Variants in TMEM248 observed in about 807,000 individuals in gnomAD.
The protein encoded by TMEM248 is UPF0458 protein C7orf42.
Under a neutral mutation model 30.3 loss-of-function variants are expected in TMEM248, and 9 were observed. The observed-to-expected ratio is 0.30, with a 90% confidence interval of 0.18 to 0.52. TMEM248 has a LOEUF of 0.52. Among genes scored for constraint, TMEM248 ranks in the 20% least tolerant of loss-of-function variants. The pLI is 0.97. For synonymous variants in TMEM248, 184 were observed against 154.4 expected, an observed-to-expected ratio of 1.19 and a Z score of -1.42; for missense variants, 338 against 403.3, an observed-to-expected ratio of 0.84 and a Z score of 1.39.
At chr7:66,926,169 G>A (rs772241074) in intron 1 of TMEM248, among the ~76,000 whole-genome samples, 11 of 152,044 alleles carry the variant, frequency 7.2e-5, no homozygotes, top group Admixed American at 6.6e-5. Context: ...GCCATTTGTC[G>A]GTCTCTTGAG....
rs548463247 is a variant in TMEM248, at chr7:66,955,868, G to A, written c.*346G>A. ...TTCACCAAGGTCACAGGAGCATTGCGTCGCTGATGGGGTTGAAGTTTGGTT... is the reference window on the plus strand; with the variant it reads ...TTCACCAAGGTCACAGGAGCATTGCATCGCTGATGGGGTTGAAGTTTGGTT... On this transcript the variant is annotated 3_prime_UTR_variant, in exon 7 of 7. Coordinates refer to ENST00000341567, the MANE Select transcript of TMEM248 (RefSeq NM_017994.5). 55 of 271,512 alleles carry A rather than the reference G, an allele frequency of 2.0e-4. 1 individual carries two copies. In the East Asian group the frequency reaches 3.4e-3, roughly 17 times the overall value. The allele number at this position is 271,512 out of a possible 1,614,324, so 16.8% of individuals were successfully genotyped here.
At chr7:66,943,302 C>G (rs888682502) in intron 2 of TMEM248, among the ~76,000 whole-genome samples, 1 of 152,236 alleles carries the variant, frequency 6.6e-6, no homozygotes, top group Non-Finnish European at 1.5e-5. Flanking sequence ...TTGGCCAAGG[C>G]CAGTGGTTGC....
At chr7:66,936,778 G>A (rs540446157) in intron 1 of TMEM248, among the ~76,000 whole-genome samples, 1 of 152,198 alleles carries the variant, frequency 6.6e-6, no homozygotes, top group Non-Finnish European at 1.5e-5. Flanking sequence ...ATCCTTTGAA[G>A]TCCTGTGATG....
rs1382268688 is a variant in TMEM248 at position 66,948,704 on chromosome 7, C to T, written c.596+10C>T. 1.0e-5 allele frequency: 16 copies of T among 1,594,594 alleles called. No individual in the cohort carries two copies. The highest frequency in any genetic ancestry group is 2.3e-5 in the East Asian group (1 of 44,264). On this transcript the variant is annotated intron_variant, in intron 4 of 6. Coordinates refer to ENST00000341567, the MANE Select transcript of TMEM248 (RefSeq NM_017994.5). ...TGTTCCCCGTCACTGTGTAAGTGTA[C>T]CCGGCACCTGATGAACGTGCGTAAC...
chr7:66,945,177 G>C lies in TMEM248; in HGVS notation c.361G>C (p.Asp121His), dbSNP rs2129224564. 6.2e-7 allele frequency: 1 copy of C among 1,614,078 alleles called. No homozygotes were observed. The highest frequency in any genetic ancestry group is 1.1e-5 in the South Asian group (1 of 91,084). ...NISVSITLTLDPLKPFGGYSR... is the reference protein window; with the variant it reads ...NISVSITLTLHPLKPFGGYSR... ...CTCAGTCTCAATCACCCTAACCCTG[G>C]ACCCACTGAAACCCTTCGGAGGGTA... Residue 121 changes from aspartate (D) to histidine (H), a missense_variant, in exon 3 of 7, where the codon GAC becomes CAC. Physicochemically the swap from Asp to His is moderately conservative, Grantham distance 81. Transcript: ENST00000341567.
intron 1 of TMEM248, among the ~76,000 whole-genome samples, chr7:66,932,778 A>G (rs1791701323): frequency 6.6e-6 from 1 of 150,582 alleles, no homozygotes; most frequent in Non-Finnish European, 1.5e-5. Flanking sequence ...AGCCTCCCAA[A>G]GTGCTAGGAT....
chr7:66,953,196 T>C (rs1792313951), intron 5 of TMEM248, 30 bp from the exon 6 acceptor site: 2 of 1,611,644 alleles, frequency 1.2e-6, no homozygotes, highest in Non-Finnish European at 1.7e-6. Flanking sequence ...AGAGCAGATG[T>C]TTCTGATTTT....
At chr7:66,944,515 AAG>A (rs1396401308) in intron 2 of TMEM248, among the ~76,000 whole-genome samples, 1 of 152,174 alleles carries the variant, frequency 6.6e-6, no homozygotes, top group Non-Finnish European at 1.5e-5. Context: ...GTTCTAGAGA[AAG>A]AGAGCAAGGT....
intron 4 of TMEM248, among the ~76,000 whole-genome samples, chr7:66,949,187 C>T (rs985972434): frequency 1.3e-5 from 2 of 151,392 alleles, no homozygotes; most frequent in African/African-American, 4.9e-5. Flanking sequence ...AAGAGGCTCT[C>T]TAAAGATAAA....
chr7:66,925,493 C>G (rs1425679347), intron 1 of TMEM248, among the ~76,000 whole-genome samples: 1 of 152,086 alleles, frequency 6.6e-6, no homozygotes, highest in Non-Finnish European at 1.5e-5. Flanking sequence ...CTTCTAGATT[C>G]CACATATAAG....
chr7:66,934,509 C>T (rs993592278), intron 1 of TMEM248, among the ~76,000 whole-genome samples: 19 of 152,236 alleles, frequency 1.2e-4, no homozygotes, highest in African/African-American at 3.4e-4. Flanking sequence ...TCCATTCTTT[C>T]GCTTTTTTAG....
At chr7:66,927,903 G>A (rs907872610) in intron 1 of TMEM248, among the ~76,000 whole-genome samples, 1 of 152,070 alleles carries the variant, frequency 6.6e-6, no homozygotes, top group African/African-American at 2.4e-5. Context: ...TGCTGAGATG[G>A]GAGGAATCCT....
In TMEM248 at chr7:66,942,041, C is replaced by T; in HGVS notation, c.159+17C>T. ...ATGGCAGAGGTATAGTATGCTCTGA[C>T]TTCTCCCGGGCTGGCTGGTCCTTGT... On this transcript the variant is annotated intron_variant, in intron 2 of 6. Transcript: ENST00000341567. 2 of 1,609,494 alleles carry T rather than the reference C, an allele frequency of 1.2e-6. No individual in the cohort carries two copies. The highest frequency in any genetic ancestry group is 1.7e-6 in the Non-Finnish European group (2 of 1,176,532).
chr7:66,935,707 T>C (rs907345183), intron 1 of TMEM248, among the ~76,000 whole-genome samples: 1 of 152,030 alleles, frequency 6.6e-6, no homozygotes, highest in African/African-American at 2.4e-5. Flanking sequence ...CGTGCCCAGC[T>C]AATTTTTATT....
At chr7:66,950,798 G>A (rs547327814) in intron 4 of TMEM248, among the ~76,000 whole-genome samples, 154 bp from the exon 5 acceptor site, 52 of 152,128 alleles carry the variant, frequency 3.4e-4, no homozygotes, top group Admixed American at 3.9e-4. Context: ...AAATATAATG[G>A]TATTTATCTC....
chr7:66,945,067 C>T lies in TMEM248; in HGVS notation c.251C>T (p.Thr84Ile), dbSNP rs778080739. Residue 84 changes from threonine to isoleucine, a missense_variant, in exon 3 of 7, where the codon ACT (threonine) becomes ATT (isoleucine). Physicochemically the swap from Thr to Ile is moderately conservative, Grantham distance 89 (BLOSUM62 -1). Transcript: ENST00000341567. ...TLKHLTNDTT[T>I]PESTMTSGQA... ...AAGCATCTCACAAACGACACCACAA[C>T]TCCGGAAAGTACAATGACCAGCGGG... The T allele has an allele frequency of 1.5e-5, 25 of 1,614,134 alleles. No individual in the cohort carries two copies. Among genetic ancestry groups the T allele is most frequent in the Non-Finnish European group, 2.0e-5 (24 of 1,180,056 alleles).
chr7:66,952,370 G>T (rs186580591), intron 5 of TMEM248, among the ~76,000 whole-genome samples: 5 of 152,204 alleles, frequency 3.3e-5, no homozygotes, highest in Admixed American at 2.6e-4. Flanking sequence ...CACTATGCCC[G>T]ACCTTTGCCC....
chr7:66,929,735 C>A (rs34758320), intron 1 of TMEM248, among the ~76,000 whole-genome samples: 1 of 152,036 alleles, frequency 6.6e-6, no homozygotes, highest in African/African-American at 2.4e-5. Flanking sequence ...GCTCAGACAA[C>A]AATTTAATTT....
chr7:66,931,836 G>A (rs9986937), intron 1 of TMEM248, among the ~76,000 whole-genome samples: 4 of 111,934 alleles, frequency 3.6e-5, no homozygotes, highest in East Asian at 5.4e-4. Flanking sequence ...GCAGAGTCTC[G>A]CTCTGTCACC....
Sources: allele counts gnomAD v4.1 joint callset (sites outside exome capture counted in the v4.1 genomes callset), GRCh38; gene constraint gnomAD v4.1.1; transcripts MANE v1.5; gene names NCBI Gene and HGNC (gene_info 2026-07-23, HGNC 2026-07-21).